The following TIGAR variants were observed in gnomAD, a reference collection of about 807,000 sequenced individuals.
TIGAR encodes the protein TP53 induced glycolysis regulatory phosphatase.
A neutral mutation model predicts 17.9 loss-of-function variants in TIGAR; 7 were observed. The observed-to-expected ratio is 0.39, with a 90% CI of 0.22 to 0.73. TIGAR has a LOEUF of 0.73. Ranked by LOEUF, TIGAR falls within the 30% of genes least tolerant of loss-of-function variation. The probability of loss-of-function intolerance (pLI) is 0.42; values close to 1 mark genes in which losing one functional copy is unlikely to be tolerated. For missense variants in TIGAR, 258 were observed against 327.4 expected (o/e 0.79, Z 1.64); for synonymous variants, 94 against 108.6 (o/e 0.87, Z 0.84).
At chr12:4,340,088 G>A (rs7134591) in intron 3 of TIGAR, among the ~76,000 whole-genome samples, 43,600 of 150,524 alleles carry the variant, frequency 0.29, 6,737 homozygotes, top group East Asian at 0.57. Context: ...CAAGAGAAAG[G>A]AATAACATTT....
In TIGAR at chr12:4,358,033, G is replaced by A. The variant is rs995875145; in HGVS notation, c.*5342G>A. On this transcript the variant is annotated 3_prime_UTR_variant, in exon 6 of 6. Transcript: ENST00000179259. ...GCAGTAGAATGGCGTGAACCCGGGA[G>A]GTGGAGCTTGCAGTGAGCCAAGGTC... Among the ~76,000 whole-genome samples, 1 of 151,534 alleles carries A rather than the reference G, an allele frequency of 6.6e-6. No individual in the cohort carries two copies. The highest frequency in any genetic ancestry group is 6.6e-5 in the Admixed American group (1 of 15,190).
intron 2 of TIGAR, among the ~76,000 whole-genome samples, chr12:4,332,169 T>C (rs1053698715): frequency 6.6e-6 from 1 of 151,962 alleles, no homozygotes. Context: ...TTCCTGACCT[T>C]GTCAGTTGGA....
intron 3 of TIGAR, among the ~76,000 whole-genome samples, chr12:4,342,762 G>C (rs1333417228): frequency 6.6e-6 from 1 of 152,168 alleles, no homozygotes; most frequent in East Asian, 1.9e-4. Context: ...GGAACAACCA[G>C]TACCAGCCAC....
At chr12:4,332,717 G>A (rs1864617562) in intron 2 of TIGAR, among the ~76,000 whole-genome samples, 1 of 152,168 alleles carries the variant, frequency 6.6e-6, no homozygotes. Context: ...TCTTTGAAAT[G>A]TGTTAATTAT....
At position 4,321,373 on chromosome 12, in the gene TIGAR, A is replaced by C; in HGVS notation, c.32+70A>C. 6.3e-7 allele frequency: 1 copy of C among 1,588,344 alleles called. No individual in the cohort carries two copies. Among genetic ancestry groups the C allele is most frequent in the Non-Finnish European group, 8.5e-7 (1 of 1,171,810 alleles). Reference sequence around the variant, plus strand: ...AGTGTGTTGGAGCGGGTGAAGGGAAAACGGGTCCACCACCCTCTCCCCTCC... The same window carrying C: ...AGTGTGTTGGAGCGGGTGAAGGGAACACGGGTCCACCACCCTCTCCCCTCC... On this transcript the variant is annotated intron_variant, in intron 1 of 5. Transcript: ENST00000179259. This position sits in a 1 kb window ranked among gnomAD's most constrained non-coding sequence, Gnocchi z 5.2.
intron 4 of TIGAR, 86 bp from the exon 5 acceptor site, chr12:4,351,181 G>T: frequency 8.2e-7 from 1 of 1,212,126 alleles, no homozygotes; most frequent in Non-Finnish European, 1.2e-6. Flanking sequence ...TTCCTGGGAT[G>T]AATGTTCTAA....
rs889125352 is a variant in TIGAR, at chr12:4,355,046, T to A, written c.*2355T>A. On this transcript the variant is annotated 3_prime_UTR_variant, in exon 6 of 6. Transcript: ENST00000179259. ...GTGCCTGGCCTATGATGCATTTTTTTAATATGTGTTCTTAATTTTTAAGAC... is the reference window on the plus strand; with the variant it reads ...GTGCCTGGCCTATGATGCATTTTTTAAATATGTGTTCTTAATTTTTAAGAC... Among the ~76,000 whole-genome samples, 5 of 152,096 alleles carry A rather than the reference T, an allele frequency of 3.3e-5. No homozygotes were observed. Among genetic ancestry groups the A allele is most frequent in the East Asian group, 1.9e-4 (1 of 5,190 alleles).
intron 3 of TIGAR, among the ~76,000 whole-genome samples, chr12:4,346,887 A>G (rs1314089725): frequency 6.6e-6 from 1 of 152,226 alleles, no homozygotes; most frequent in East Asian, 1.9e-4. Flanking sequence ...TATCCAAAAG[A>G]CAGGCAATAA....
rs148926462 is a variant in TIGAR at position 4,358,928 on chromosome 12, G to T, written c.*6237G>T. On this transcript the variant is annotated 3_prime_UTR_variant, in exon 6 of 6. Transcript: ENST00000179259. ...TTTAAAAAATAGGTGAGTTCTTGTGGTTTTTTTTCCTGACATATCCTCATT... is the reference window on the plus strand; with the variant it reads ...TTTAAAAAATAGGTGAGTTCTTGTGTTTTTTTTTCCTGACATATCCTCATT... 3.3e-5 allele frequency among the ~76,000 whole-genome samples: 5 copies of T among 151,306 alleles called. No homozygotes were observed. The highest frequency in any genetic ancestry group is 3.9e-4 in the East Asian group (2 of 5,158).
At chr12:4,331,416 C>T (rs1864602578) in intron 2 of TIGAR, 99 bp downstream of exon 2, 4 of 1,091,784 alleles carry the variant, frequency 3.7e-6, no homozygotes, top group Non-Finnish European at 5.6e-6. Context: ...GGGGGCAGCA[C>T]TCCATTGTGA....
rs950663179 is a variant in TIGAR at position 4,357,042 on chromosome 12, A to G, written c.*4351A>G. ...TAGCATCTTTATTCTAATTTCTTTAAATGCTATGTCATACTCAGCAAGGAC... is the reference window on the plus strand; with the variant it reads ...TAGCATCTTTATTCTAATTTCTTTAGATGCTATGTCATACTCAGCAAGGAC... On this transcript the variant is annotated 3_prime_UTR_variant, in exon 6 of 6. Transcript: ENST00000179259. 6.6e-6 allele frequency among the ~76,000 whole-genome samples: 1 copy of G among 152,174 alleles called. No homozygotes were observed. Among genetic ancestry groups the G allele is most frequent in the Non-Finnish European group, 1.5e-5 (1 of 68,032 alleles).
chr12:4,336,965 T>C lies in TIGAR; in HGVS notation c.71-74T>C, dbSNP rs1864666827. 2.2e-6 allele frequency: 3 copies of C among 1,375,680 alleles called. No individual in the cohort carries two copies. The East Asian group carries it at 7.6e-5, about 35-fold the overall frequency. 85.2% of individuals were successfully genotyped at this position (1,375,680 alleles called of 1,614,324 possible). ...AAAATTTAGATAAATGCAGCTTATA[T>C]TTTCTACATGTGATTTATACATCTC... On this transcript the variant is annotated intron_variant, in intron 2 of 5. Coordinates refer to ENST00000179259, the MANE Select transcript of TIGAR (RefSeq NM_020375.3).
intron 1 of TIGAR, among the ~76,000 whole-genome samples, chr12:4,325,091 T>A: frequency 6.6e-6 from 1 of 152,036 alleles, no homozygotes; most frequent in Non-Finnish European, 1.5e-5. Flanking sequence ...TACAGGCATG[T>A]GCCACCATGC....
chr12:4,352,972 G>T lies in TIGAR; in HGVS notation c.*281G>T. On this transcript the variant is annotated 3_prime_UTR_variant, in exon 6 of 6. Coordinates refer to ENST00000179259, the MANE Select transcript of TIGAR (RefSeq NM_020375.3). The stretch of plus-strand genomic sequence containing the variant: ...TGAAGGAACTCAGCATTGAAAGTTG[G>T]GGGATTAGTAACCTTGTTACAACGG... 1 of 373,182 alleles carries T rather than the reference G, an allele frequency of 2.7e-6. No homozygotes were observed. Among genetic ancestry groups the T allele is most frequent in the Non-Finnish European group, 4.8e-6 (1 of 207,774 alleles). The allele number at this position is 373,182 out of a possible 1,614,324, so 23.1% of individuals were successfully genotyped here.
In TIGAR at chr12:4,333,394, A is replaced by G. The variant is rs557374903; in HGVS notation, c.70+2077A>G. ...AACCTCTGCCTCCCGGGTTCAAGCA[A>G]TTCTCCTGCCCGAGACTCCCGAGTA... On this transcript the variant is annotated intron_variant, in intron 2 of 5. Transcript: ENST00000179259. Among the ~76,000 whole-genome samples, 8 of 151,756 alleles carry G rather than the reference A, an allele frequency of 5.3e-5. No homozygotes were observed. The East Asian group carries it at 7.7e-4, about 15-fold the overall frequency.
intron 2 of TIGAR, among the ~76,000 whole-genome samples, chr12:4,336,446 G>GCGCGCA (rs1491292159): frequency 7.2e-6 from 1 of 138,468 alleles, no homozygotes; most frequent in East Asian, 2.1e-4. Context: ...CAGCAATGCA[G>GCGCGCA]CACACACACA....
chr12:4,341,600 G>A (rs1421725465), intron 3 of TIGAR, among the ~76,000 whole-genome samples: 1 of 152,226 alleles, frequency 6.6e-6, no homozygotes, highest in African/African-American at 2.4e-5. Context: ...CTGTTCTGCA[G>A]CCTCCACTGC....
intron 3 of TIGAR, among the ~76,000 whole-genome samples, chr12:4,349,083 G>A (rs536539568): frequency 2.0e-5 from 3 of 152,298 alleles, no homozygotes; most frequent in East Asian, 1.9e-4. Context: ...TTTGAATGGC[G>A]AATTAAGGAA....
At chr12:4,339,251 C>T (rs1006048690) in intron 3 of TIGAR, among the ~76,000 whole-genome samples, 2 of 151,960 alleles carry the variant, frequency 1.3e-5, no homozygotes, top group Non-Finnish European at 2.9e-5. Flanking sequence ...TTCAAAGGAG[C>T]ATTAAGGGCT....
Sources: gnomAD v4.1 joint callset for allele counts (sites outside exome capture counted in the v4.1 genomes callset) on GRCh38, gnomAD v4.1.1 for gene constraint, Gnocchi (gnomAD v3.1) non-coding constraint, MANE v1.5 for transcripts, NCBI Gene and HGNC (gene_info 2026-07-23, HGNC 2026-07-21) for gene names.